Variants in SLC7A1 observed in about 807,000 individuals in gnomAD.
SLC7A1 encodes the protein high affinity cationic amino acid transporter 1.
Under a neutral mutation model 53.9 loss-of-function variants are expected in SLC7A1, and 10 were observed. The observed-to-expected ratio is 0.19, with a 90% CI of 0.11 to 0.31. The LOEUF is 0.31. SLC7A1 is among the 10% of genes least tolerant of loss of function. The pLI is 1.00. For synonymous variants in SLC7A1, 342 were observed against 338.7 expected (o/e 1.01, Z -0.11); for missense variants, 525 against 827.2 (o/e 0.63, Z 4.48).
intron 1 of SLC7A1, among the ~76,000 whole-genome samples, chr13:29,562,527 T>C (rs1431570031): frequency 2.0e-5 from 3 of 152,190 alleles, no homozygotes; most frequent in Admixed American, 6.5e-5. Flanking sequence ...TAGTTCAATC[T>C]GAAAAAATCC....
chr13:29,574,941 G>A (rs1403033125), intron 1 of SLC7A1, among the ~76,000 whole-genome samples: 2 of 152,156 alleles, frequency 1.3e-5, no homozygotes, highest in South Asian at 2.1e-4. Flanking sequence ...ACCGTGCGTG[G>A]CCAGAGCAGC....
intron 2 of SLC7A1, among the ~76,000 whole-genome samples, chr13:29,542,836 G>T (rs1325862061): frequency 9.2e-5 from 14 of 152,016 alleles, no homozygotes; most frequent in Admixed American, 2.0e-4. Context: ...CACTTGTGCA[G>T]TGAGCGGCAG....
chr13:29,563,700 G>A (rs1036275229), intron 1 of SLC7A1, among the ~76,000 whole-genome samples: 2 of 152,186 alleles, frequency 1.3e-5, no homozygotes, highest in African/African-American at 2.4e-5. Context: ...TTGAAGAGAC[G>A]GGACTGCCAG....
In SLC7A1 at chr13:29,583,450, C is replaced by T. The variant is rs955104383; in HGVS notation, c.-115+11966G>A. Among the ~76,000 whole-genome samples, 4 of 152,214 alleles carry T rather than the reference C, an allele frequency of 2.6e-5. No homozygotes were observed. The East Asian group carries it at 7.7e-4, about 29-fold the overall frequency. ...TGCTGGAAAGAGACTCTTGCTGGGACCTCTGTGGGTCAAGGCCAGCAGCTC... is the reference window on the plus strand; with the variant it reads ...TGCTGGAAAGAGACTCTTGCTGGGATCTCTGTGGGTCAAGGCCAGCAGCTC... On this transcript the variant is annotated intron_variant, in intron 1 of 12. Coordinates refer to ENST00000380752, the MANE Select transcript of SLC7A1 (RefSeq NM_003045.5).
intron 1 of SLC7A1, among the ~76,000 whole-genome samples, chr13:29,573,786 A>C (rs955698681): frequency 2.6e-5 from 4 of 152,210 alleles, no homozygotes; most frequent in Admixed American, 2.6e-4. Context: ...TTATAATTCA[A>C]ATTTAACTGG....
At chr13:29,546,413 G>T (rs1869925462) in intron 2 of SLC7A1, among the ~76,000 whole-genome samples, 1 of 152,156 alleles carries the variant, frequency 6.6e-6, no homozygotes, top group Non-Finnish European at 1.5e-5. Context: ...GAGCCTCTAA[G>T]GTTTCCTGGC....
intron 1 of SLC7A1, among the ~76,000 whole-genome samples, chr13:29,574,204 G>C (rs1871313517): frequency 1.3e-5 from 2 of 152,164 alleles, no homozygotes; most frequent in South Asian, 4.1e-4. Context: ...GAAGATAGAT[G>C]GTAAGAGTGT....
rs1212617888 is a variant in SLC7A1, at chr13:29,511,350, C to A, written c.*3130G>T. The A allele has an allele frequency of 2.6e-5, 4 of 152,336 alleles. No homozygotes were observed. The highest frequency in any genetic ancestry group is 1.9e-4 in the East Asian group (1 of 5,178). The allele number at this position is 152,336 out of a possible 1,614,324, so 9.4% of individuals were successfully genotyped here. The stretch of plus-strand genomic sequence containing the variant: ...GAAAGAGTTTTTACTGCTGCAAAAA[C>A]CAAAAGTGGGGGGAGATCTCAGCAA... On this transcript the variant is annotated 3_prime_UTR_variant, in exon 13 of 13. Coordinates refer to ENST00000380752, the MANE Select transcript of SLC7A1 (RefSeq NM_003045.5).
At chr13:29,560,412 T>C (rs1408591968) in intron 1 of SLC7A1, among the ~76,000 whole-genome samples, 1 of 151,576 alleles carries the variant, frequency 6.6e-6, no homozygotes, top group Non-Finnish European at 1.5e-5. Context: ...TAACGATAAA[T>C]AGTATAGTAA....
intron 1 of SLC7A1, among the ~76,000 whole-genome samples, chr13:29,570,605 T>C (rs1423358692): frequency 6.6e-6 from 1 of 152,158 alleles, no homozygotes; most frequent in African/African-American, 2.4e-5. Context: ...CCCAGCACTT[T>C]GGGAGGCCAA....
chr13:29,556,465 C>T (rs1786677887), intron 1 of SLC7A1, among the ~76,000 whole-genome samples: 1 of 152,120 alleles, frequency 6.6e-6, no homozygotes, highest in South Asian at 2.1e-4. Context: ...GCTGCCTCGA[C>T]CTCCCTAGAC....
chr13:29,525,791 G>A (rs963693535), intron 5 of SLC7A1, among the ~76,000 whole-genome samples: 1 of 152,236 alleles, frequency 6.6e-6, no homozygotes, highest in South Asian at 2.1e-4. Flanking sequence ...ATTTTAGTTT[G>A]TTGTGTTAGA....
intron 2 of SLC7A1, among the ~76,000 whole-genome samples, chr13:29,537,356 C>T (rs1303065766): frequency 2.0e-5 from 3 of 152,216 alleles, no homozygotes; most frequent in Non-Finnish European, 2.9e-5. Flanking sequence ...GGAAAACCAC[C>T]GGACACATCC....
intron 5 of SLC7A1, 58 bp from the exon 6 acceptor site, chr13:29,524,311 G>C (rs1407055623): frequency 1.2e-6 from 2 of 1,607,600 alleles, no homozygotes; most frequent in African/African-American, 2.7e-5. Context: ...CTGGCGTAAG[G>C]AGCTGTGCTC....
intron 1 of SLC7A1, among the ~76,000 whole-genome samples, chr13:29,575,018 C>G (rs528708600): frequency 1.3e-3 from 195 of 152,292 alleles, no homozygotes; most frequent in African/African-American, 4.5e-3. Flanking sequence ...TCACAAGTAT[C>G]TGTCCTGGGC....
rs368864281 is a variant in SLC7A1, at chr13:29,514,340, C to T, written c.*140G>A. ...CCGAGGGTGGGCTGGGGCTGCAGGT[C>T]AAGTAATTGCACCTTTGGCTGCAGT... On this transcript the variant is annotated 3_prime_UTR_variant, in exon 13 of 13. Transcript: ENST00000380752. The T allele has an allele frequency of 4.9e-5, 31 of 633,986 alleles. No individual in the cohort carries two copies. In the East Asian group the frequency reaches 8.6e-4, roughly 18 times the overall value. 39.3% of individuals were successfully genotyped at this position (633,986 alleles called of 1,614,324 possible).
In SLC7A1 at chr13:29,516,855, C is replaced by T. The variant is rs182856464; in HGVS notation, c.1677+289G>A. ...TTTCCAGAGAATTCAGAAATAGATG[C>T]CGAATATCCAGGGACTGGCGAGGTC... On this transcript the variant is annotated intron_variant, in intron 11 of 12. Coordinates refer to ENST00000380752, the MANE Select transcript of SLC7A1 (RefSeq NM_003045.5). 6 of 326,700 alleles carry T rather than the reference C, an allele frequency of 1.8e-5. No individual in the cohort carries two copies. In the East Asian group the frequency reaches 2.5e-4, roughly 14 times the overall value. 20.2% of individuals were successfully genotyped at this position (326,700 alleles called of 1,614,324 possible). A position where few individuals can be genotyped will look rare whatever the true frequency, so the allele number is the denominator to read the frequency against.
At chr13:29,554,035 C>T (rs1469296514) in intron 1 of SLC7A1, among the ~76,000 whole-genome samples, 175 bp from the exon 2 acceptor site, 3 of 152,176 alleles carry the variant, frequency 2.0e-5, no homozygotes, top group Non-Finnish European at 4.4e-5. Context: ...GGGGCATCAT[C>T]GGGGGAATTC....
chr13:29,532,725 TG>T, intron 4 of SLC7A1, 98 bp downstream of exon 4: 1 of 1,075,976 alleles, frequency 9.3e-7, no homozygotes, highest in Non-Finnish European at 1.3e-6. Flanking sequence ...ATGGGGGTTA[TG>T]GTTAAAGAGA....
Sources: allele counts gnomAD v4.1 joint callset (sites outside exome capture counted in the v4.1 genomes callset), GRCh38; gene constraint gnomAD v4.1.1; transcripts MANE v1.5; gene names NCBI Gene and HGNC (gene_info 2026-07-23, HGNC 2026-07-21).